Variants in PIP4K2A observed in about 807,000 individuals in gnomAD.
The protein encoded by PIP4K2A is phosphatidylinositol 5-phosphate 4-kinase type-2 alpha.
A neutral mutation model predicts 42.9 loss-of-function variants in PIP4K2A; 14 were observed. The observed-to-expected ratio is 0.33, with a 90% CI of 0.22 to 0.51. The LOEUF is 0.51. Among genes scored for constraint, PIP4K2A ranks in the 20% least tolerant of loss-of-function variants. PIP4K2A has a pLI of 0.97. For synonymous variants in PIP4K2A, 192 were observed against 192.2 expected (o/e 1.00, Z 0.01); for missense variants, 434 against 519.8 (o/e 0.83, Z 1.61).
chr10:22,699,289 T>C (rs1349717458), intron 1 of PIP4K2A, among the ~76,000 whole-genome samples: 2 of 152,210 alleles, frequency 1.3e-5, no homozygotes, highest in African/African-American at 2.4e-5. Context: ...CATTCATTTG[T>C]AAGTTGGCCC....
chr10:22,626,665 A>T (rs1401713373), intron 1 of PIP4K2A, among the ~76,000 whole-genome samples: 1 of 152,220 alleles, frequency 6.6e-6, no homozygotes, highest in Non-Finnish European at 1.5e-5. Flanking sequence ...ACTTCCCGGT[A>T]TAGATACAAA....
At chr10:22,542,359 G>A (rs899794660) in intron 7 of PIP4K2A, among the ~76,000 whole-genome samples, 4 of 152,186 alleles carry the variant, frequency 2.6e-5, no homozygotes, top group Admixed American at 6.5e-5. Context: ...TAAGAGATGC[G>A]GAGAGAGACT....
intron 3 of PIP4K2A, among the ~76,000 whole-genome samples, chr10:22,596,469 T>C (rs1466564435): frequency 2.6e-5 from 4 of 152,206 alleles, no homozygotes; most frequent in Non-Finnish European, 5.9e-5. Context: ...AACGAGCACA[T>C]GAGCTCAGGG....
chr10:22,629,631 T>C (rs1838509966), intron 1 of PIP4K2A, among the ~76,000 whole-genome samples: 3 of 152,094 alleles, frequency 2.0e-5, no homozygotes, highest in Non-Finnish European at 4.4e-5. Flanking sequence ...ACTGAGGAGG[T>C]AGAGCTAACC....
chr10:22,657,665 G>A (rs556829800), intron 1 of PIP4K2A, among the ~76,000 whole-genome samples: 3 of 152,336 alleles, frequency 2.0e-5, no homozygotes, highest in Admixed American at 2.0e-4. Flanking sequence ...GAAAGAATAT[G>A]CTTCACCAAA....
chr10:22,616,684 G>T (rs1361809070), intron 1 of PIP4K2A, among the ~76,000 whole-genome samples: 36 of 150,376 alleles, frequency 2.4e-4, no homozygotes, highest in Non-Finnish European at 7.4e-5. Context: ...ACTTCTAAAA[G>T]ATTCCTTATT....
chr10:22,675,230 C>T (rs1048439313), intron 1 of PIP4K2A, among the ~76,000 whole-genome samples: 3 of 152,104 alleles, frequency 2.0e-5, no homozygotes, highest in Non-Finnish European at 4.4e-5. Flanking sequence ...AAATGAAATT[C>T]TTCTATCCCA....
rs63121860 is a variant in PIP4K2A, at chr10:22,650,847, T to C, written c.145-41130A>G. On this transcript the variant is annotated intron_variant, in intron 1 of 9. Coordinates refer to ENST00000376573, the MANE Select transcript of PIP4K2A (RefSeq NM_005028.5). ...TGGAAATCTACTGGGTTTTTTTTTTTCCCCTACCTTTTACTGGCTGGCTGT... is the reference window on the plus strand; with the variant it reads ...TGGAAATCTACTGGGTTTTTTTTTTCCCCCTACCTTTTACTGGCTGGCTGT... Among the ~76,000 whole-genome samples the C allele has an allele frequency of 4.4e-3, 662 of 151,922 alleles. 4 individuals carry two copies. The highest frequency in any genetic ancestry group is 0.015 in the African/African-American group (611 of 41,396).
At chr10:22,655,418 T>C (rs1334459839) in intron 1 of PIP4K2A, among the ~76,000 whole-genome samples, 1 of 152,250 alleles carries the variant, frequency 6.6e-6, no homozygotes, top group Non-Finnish European at 1.5e-5. Context: ...TGGTAATTTA[T>C]GTTTCTTCTC....
At chr10:22,592,816 G>A (rs1442013953) in intron 3 of PIP4K2A, among the ~76,000 whole-genome samples, 1 of 152,208 alleles carries the variant, frequency 6.6e-6, no homozygotes, top group Non-Finnish European at 1.5e-5. Context: ...CCTGAGCAGT[G>A]ACTTTCACTC....
At chr10:22,559,680 C>T (rs1170293729) in intron 6 of PIP4K2A, among the ~76,000 whole-genome samples, 1 of 152,070 alleles carries the variant, frequency 6.6e-6, no homozygotes, top group African/African-American at 2.4e-5. Context: ...TAGCAATCAC[C>T]TTAATCTATA....
intron 6 of PIP4K2A, among the ~76,000 whole-genome samples, chr10:22,560,339 G>A (rs1054798182): frequency 3.9e-5 from 6 of 152,182 alleles, no homozygotes; most frequent in Admixed American, 1.3e-4. Flanking sequence ...TGGGGAGCCC[G>A]CCGCCCTGGC....
chr10:22,672,683 G>A (rs1839479129), intron 1 of PIP4K2A, among the ~76,000 whole-genome samples: 1 of 152,124 alleles, frequency 6.6e-6, no homozygotes, highest in African/African-American at 2.4e-5. Flanking sequence ...TTAAGAAGGG[G>A]TGGAGAAGCA....
At chr10:22,606,928 A>G (rs1389665033) in intron 3 of PIP4K2A, among the ~76,000 whole-genome samples, 2 of 152,232 alleles carry the variant, frequency 1.3e-5, no homozygotes, top group African/African-American at 4.8e-5. Flanking sequence ...CTAAACACGA[A>G]ATTTATCTAT....
chr10:22,686,319 C>A (rs1009649820), intron 1 of PIP4K2A, among the ~76,000 whole-genome samples: 2 of 152,142 alleles, frequency 1.3e-5, no homozygotes, highest in African/African-American at 4.8e-5. Flanking sequence ...ACCCCACAAA[C>A]CATTTGAGAG....
chr10:22,593,848 A>C (rs1460437064), intron 3 of PIP4K2A, among the ~76,000 whole-genome samples: 1 of 152,240 alleles, frequency 6.6e-6, no homozygotes, highest in African/African-American at 2.4e-5. Context: ...ATACGTGTAA[A>C]ACAACTTTTG....
chr10:22,557,781 G>A (rs1836587955), intron 6 of PIP4K2A, among the ~76,000 whole-genome samples: 1 of 152,142 alleles, frequency 6.6e-6, no homozygotes, highest in Non-Finnish European at 1.5e-5. Flanking sequence ...AACAGTATGG[G>A]TAAATGGCCA....
intron 4 of PIP4K2A, among the ~76,000 whole-genome samples, chr10:22,587,186 A>G (rs1837415579): frequency 6.6e-6 from 1 of 152,180 alleles, no homozygotes; most frequent in Admixed American, 6.5e-5. Flanking sequence ...ACCCTCCAGA[A>G]TATAATTCCA....
chr10:22,612,552 G>T (rs777805785), intron 1 of PIP4K2A, among the ~76,000 whole-genome samples: 1 of 152,234 alleles, frequency 6.6e-6, no homozygotes, highest in Admixed American at 6.5e-5. Context: ...GGAAGCGGCT[G>T]CTGTAGAATT....
Sources: allele counts gnomAD v4.1 joint callset (sites outside exome capture counted in the v4.1 genomes callset), GRCh38; gene constraint gnomAD v4.1.1; transcripts MANE v1.5; gene names NCBI Gene and HGNC (gene_info 2026-07-23, HGNC 2026-07-21).